Variants in SPTBN2 observed in about 807,000 individuals in gnomAD.
The protein encoded by SPTBN2 is spectrin beta chain, non-erythrocytic 2.
SPTBN2 carries 107 observed loss-of-function variants against 284.2 expected under a neutral mutation model. The ratio of observed to expected loss-of-function variants is 0.38; its 90% CI spans 0.32 to 0.44. The LOEUF (loss-of-function observed/expected upper bound fraction) is 0.44. Ranked by LOEUF, SPTBN2 falls within the 20% of genes least tolerant of loss-of-function variation. The probability of loss-of-function intolerance (pLI) is 1.00; values close to 1 mark genes in which losing one functional copy is unlikely to be tolerated. For missense variants in SPTBN2, 2,569 were observed against 3,287.1 expected (o/e 0.78, Z 5.34); for synonymous variants, 1,289 against 1,354.8 (o/e 0.95, Z 1.07).
At position 66,693,563 on chromosome 11, in the gene SPTBN2, T is replaced by A; in HGVS notation, c.4594-117A>T. ...TTCCTGGGTCCTCTGCTCCCTCTCC[T>A]AGCCTGGGGGTGCGATGGTAACACC... On this transcript the variant is annotated intron_variant, in intron 23 of 37. Transcript: ENST00000533211. The surrounding 1 kb of genome is among the most constrained non-coding windows in gnomAD (Gnocchi z 5.7). 1 of 1,492,888 alleles carries A rather than the reference T, an allele frequency of 6.7e-7. No homozygotes were observed. The highest frequency in any genetic ancestry group is 9.0e-7 in the Non-Finnish European group (1 of 1,109,574). 92.5% of individuals were successfully genotyped at this position (1,492,888 alleles called of 1,614,324 possible).
At position 66,686,056 on chromosome 11, in the gene SPTBN2, C is replaced by T. The variant is rs1456324251; in HGVS notation, c.6988G>A (p.Ala2330Thr). 3 of 1,613,864 alleles carry T rather than the reference C, an allele frequency of 1.9e-6. No homozygotes were observed. In the South Asian group the frequency reaches 3.3e-5, roughly 18 times the overall value. Reference protein sequence around the residue: ...LRVVNAAIATASSASGEPEEP... With the variant: ...LRVVNAAIATTSSASGEPEEP... ...TCAGGCTCTCCAGAGGCAGAAGACGCTGTGGCAATGGCTGCATTCACCACC... is the reference window on the plus strand; with the variant it reads ...TCAGGCTCTCCAGAGGCAGAAGACGTTGTGGCAATGGCTGCATTCACCACC... The change falls in exon 38 of 38, where the codon GCG (alanine) becomes ACG (threonine). Residue 2330 changes from alanine to threonine, a missense_variant. Transcript: ENST00000533211.
chr11:66,710,876 G>A lies in SPTBN2; in HGVS notation c.885+41C>T, dbSNP rs1041257117. On this transcript the variant is annotated intron_variant, in intron 9 of 37. Transcript: ENST00000533211. This position sits in a 1 kb window ranked among gnomAD's most constrained non-coding sequence, Gnocchi z 4.9. ...CTAGGGCAGTAAGACCCCTCAGCCG[G>A]GCCTCCTCTGGCCTTTATGCCTACT... The A allele has an allele frequency of 6.8e-6, 11 of 1,611,016 alleles. No homozygotes were observed. Among genetic ancestry groups the A allele is most frequent in the Non-Finnish European group, 5.9e-6 (7 of 1,177,452 alleles).
At position 66,704,737 on chromosome 11, in the gene SPTBN2, C is replaced by A; in HGVS notation, c.2539G>T (p.Ala847Ser). 1 of 1,602,938 alleles carries A rather than the reference C, an allele frequency of 6.2e-7. No individual in the cohort carries two copies. Among genetic ancestry groups the A allele is most frequent in the Non-Finnish European group, 8.5e-7 (1 of 1,176,006 alleles). The stretch of plus-strand genomic sequence containing the variant: ...TAGAGCGCCAGGGCTGCCTCCAAGG[C>A]CCGCGCTCGCTCGCCTGCCCGGGCC... ...LQARAGERAR[A>S]LEAALALYTM... Residue 847 changes from alanine to serine, a missense_variant, in exon 15 of 38, where the codon GCC becomes TCC. Physicochemically the swap from Ala to Ser is moderately conservative, Grantham distance 99. Coordinates refer to ENST00000533211, the MANE Select transcript of SPTBN2 (RefSeq NM_006946.4).
Position 66,696,325 on chromosome 11 carries a change from G to A in SPTBN2, c.4230C>T (p.Asp1410=). The A allele has an allele frequency of 6.2e-7, 1 of 1,613,210 alleles. No individual in the cohort carries two copies. The highest frequency in any genetic ancestry group is 1.1e-5 in the South Asian group (1 of 91,088). ...TGACGCTGGTGAGGTCCTTGCCGTA[G>A]TCATCCGAGTGCAGCTGGGCCTGCA... is the stretch of plus-strand genomic sequence containing the variant. ...ESLQAQLHSD[D]YGKDLTSVNI... Residue 1410 remains aspartate, a synonymous_variant, in exon 21 of 38, where the codon GAC becomes GAT. Coordinates refer to ENST00000533211, the MANE Select transcript of SPTBN2 (RefSeq NM_006946.4).
chr11:66,696,188 T>A, intron 21 of SPTBN2, 89 bp downstream of exon 21: 1 of 1,536,176 alleles, frequency 6.5e-7, no homozygotes. Flanking sequence ...AGGTGTTATC[T>A]GCCAGGCCTC....
At chr11:66,692,888 T>G in intron 25 of SPTBN2, 82 bp downstream of exon 25, 1 of 1,596,344 alleles carries the variant, frequency 6.3e-7, no homozygotes, top group Non-Finnish European at 8.5e-7. Flanking sequence ...CACACAGCAC[T>G]GAAGGCTCCA....
Position 66,686,894 on chromosome 11 carries a change from C to G in SPTBN2, c.6896+100G>C. On this transcript the variant is annotated intron_variant, in intron 36 of 37. Transcript: ENST00000533211. Reference sequence around the variant, plus strand: ...GGCTGGCCTGGTTACTCCACTCAGGCTCCTTACAGGAACTCCCCTCCCTCT... The same window carrying G: ...GGCTGGCCTGGTTACTCCACTCAGGGTCCTTACAGGAACTCCCCTCCCTCT... 2.6e-6 allele frequency: 4 copies of G among 1,534,180 alleles called. No homozygotes were observed. The South Asian group carries it at 3.4e-5, about 13-fold the overall frequency.
intron 16 of SPTBN2, 42 bp from the exon 17 acceptor site, chr11:66,701,324 C>T: frequency 1.2e-6 from 2 of 1,606,158 alleles, no homozygotes; most frequent in Admixed American, 1.7e-5. Context: ...CCTGGCCAGG[C>T]CTGTTTGGAA....
chr11:66,687,658 ATCAGTG>A lies in SPTBN2; in HGVS notation c.6502-17_6502-12del. 1 of 1,586,212 alleles carries A rather than the reference ATCAGTG, an allele frequency of 6.3e-7. No homozygotes were observed. Among genetic ancestry groups the A allele is most frequent in the Non-Finnish European group, 8.6e-7 (1 of 1,166,154 alleles). On this transcript the variant is annotated splice_polypyrimidine_tract_variant and intron_variant, in intron 34 of 37. Coordinates refer to ENST00000533211, the MANE Select transcript of SPTBN2 (RefSeq NM_006946.4). This position sits in a 1 kb window ranked among gnomAD's most constrained non-coding sequence, Gnocchi z 5.2. Reference sequence around the variant, plus strand: ...CCCTGAGCCAGGTCCCTGGGGGGGAATCAGTGTCAGTGTCAAAGGTTGAGACGGGAG... The same window carrying A: ...CCCTGAGCCAGGTCCCTGGGGGGGAATCAGTGTCAAAGGTTGAGACGGGAG...
At chr11:66,689,465 G>A in intron 29 of SPTBN2, 2 of 521,426 alleles carry the variant, frequency 3.8e-6, no homozygotes, top group Non-Finnish European at 6.9e-6. Context: ...GTGGAAACGG[G>A]GTTTCACCAT....
chr11:66,687,514 C>T lies in SPTBN2; in HGVS notation c.6635G>A (p.Gly2212Asp), dbSNP rs761862995. The change falls in exon 35 of 38, where the codon GGC becomes GAC. Residue 2212 changes from glycine (G) to aspartate (D), a missense_variant. Gly to Asp is a moderately conservative substitution (Grantham distance 94). Around this residue, in one of 6 missense-constraint regions of SPTBN2, gnomAD observed 1,130 missense variants for 1,317.3 expected, o/e 0.86. Coordinates refer to ENST00000533211, the MANE Select transcript of SPTBN2 (RefSeq NM_006946.4). The surrounding 1 kb of genome is among the most constrained non-coding windows in gnomAD (Gnocchi z 5.2). ...CTGCTCCTGGGCAGATGGCTCTGGG[C>T]CTCGAGGCGGCAGGGTGGCAGCATG... Reference protein sequence around the residue: ...SAHAATLPPRGPEPSAQEQME... With the variant: ...SAHAATLPPRDPEPSAQEQME... The T allele has an allele frequency of 2.5e-6, 4 of 1,612,016 alleles. No homozygotes were observed. Among genetic ancestry groups the T allele is most frequent in the Non-Finnish European group, 3.4e-6 (4 of 1,180,006 alleles).
rs200016211 is a variant in SPTBN2, at chr11:66,705,114, C to T, written c.2162G>A (p.Arg721His). Residue 721 changes from arginine (R) to histidine (H), a missense_variant, in exon 15 of 38, where the codon CGT becomes CAT. Arg to His is a conservative substitution (Grantham distance 29). This residue lies in a region of SPTBN2 where 1,012 missense variants were observed against 1,248.9 expected (regional missense o/e 0.81). Transcript: ENST00000533211. Reference protein sequence around the residue: ...GHPGASQASARAAELQAQWER... With the variant: ...GHPGASQASAHAAELQAQWER... ...CCACTGGGCTTGGAGTTCAGCTGCA[C>T]GGGCAGAGGCCTGGCTTGCCCCAGG... 6.1e-5 allele frequency: 94 copies of T among 1,552,224 alleles called. No homozygotes were observed. The highest frequency in any genetic ancestry group is 7.0e-5 in the Non-Finnish European group (81 of 1,153,636).
chr11:66,720,437 G>A (rs980703647), intron 3 of SPTBN2, among the ~76,000 whole-genome samples: 2 of 152,174 alleles, frequency 1.3e-5, no homozygotes, highest in African/African-American at 4.8e-5. Flanking sequence ...CTCCTCCCCC[G>A]GAAGACAGGG....
In SPTBN2 at chr11:66,707,857, G is replaced by A; in HGVS notation, c.1351-39C>T. The A allele has an allele frequency of 6.2e-7, 1 of 1,600,806 alleles. No individual in the cohort carries two copies. Among genetic ancestry groups the A allele is most frequent in the Non-Finnish European group, 8.5e-7 (1 of 1,178,222 alleles). On this transcript the variant is annotated intron_variant, in intron 12 of 37. Transcript: ENST00000533211. This position sits in a 1 kb window ranked among gnomAD's most constrained non-coding sequence, Gnocchi z 4.9. ...AGGGAGAGGAGGTGTGGGGACCAAG[G>A]GACAGTGCCTCTGCCTGCTCCTCTG...
intron 27 of SPTBN2, 93 bp from the exon 28 acceptor site, chr11:66,690,376 G>C: frequency 1.4e-6 from 2 of 1,442,776 alleles, no homozygotes; most frequent in South Asian, 2.9e-5. Context: ...CCTCCTGCCT[G>C]TCTCACAGCC....
At chr11:66,740,789 CT>C (rs1449781783) in intron 1 of SPTBN2, among the ~76,000 whole-genome samples, 2 of 152,144 alleles carry the variant, frequency 1.3e-5, no homozygotes, top group Non-Finnish European at 1.5e-5. Flanking sequence ...TTTGCATCAG[CT>C]TGGAAAGGCG....
upstream of SPTBN2, among the ~76,000 whole-genome samples, chr11:66,732,998 A>C (rs1350427830): frequency 4.9e-5 from 7 of 143,700 alleles, no homozygotes; most frequent in South Asian, 2.3e-4. Flanking sequence ...AAAAAAAAAA[A>C]CAATACAAAA....
chr11:66,728,553 C>A (rs1387395070), intron 1 of SPTBN2, 188 bp downstream of exon 1: 2 of 151,472 alleles, frequency 1.3e-5, no homozygotes, highest in African/African-American at 2.4e-5. Context: ...CGGTGCTCCC[C>A]GCCGCTCCCC....
Position 66,699,361 on chromosome 11 carries a change from G to A in SPTBN2, c.3776+45C>T, listed in dbSNP as rs377057680. 42 of 1,604,876 alleles carry A rather than the reference G, an allele frequency of 2.6e-5. No individual in the cohort carries two copies. In the East Asian group the frequency reaches 2.9e-4, roughly 11 times the overall value. ...ATCTTTGAGGTCACCCTGTTTCTCC[G>A]ATTCCCCCCTGGGAACCCTAATTCA... On this transcript the variant is annotated intron_variant, in intron 18 of 37. Coordinates refer to ENST00000533211, the MANE Select transcript of SPTBN2 (RefSeq NM_006946.4).
Sources: gnomAD v4.1 joint callset for allele counts (sites outside exome capture counted in the v4.1 genomes callset) on GRCh38, gnomAD v4.1.1 for gene constraint, gnomAD v4.1.1 regional missense constraint, Gnocchi (gnomAD v3.1) non-coding constraint, MANE v1.5 for transcripts, NCBI Gene and HGNC (gene_info 2026-07-23, HGNC 2026-07-21) for gene names.